Variants in GABBR2 observed in about 807,000 individuals in gnomAD.
GABBR2 encodes the protein gamma-aminobutyric acid type B receptor subunit 2, also known as G-protein coupled receptor 51.
A neutral mutation model predicts 105.6 loss-of-function variants in GABBR2; 23 were observed. The ratio of observed to expected loss-of-function variants is 0.22; its 90% CI spans 0.16 to 0.31. The LOEUF is 0.31. GABBR2 is among the 10% of genes least tolerant of loss of function. The pLI, the probability that GABBR2 is intolerant of heterozygous loss-of-function variation, is 1.00. For missense variants in GABBR2, 734 were observed against 1,245.5 expected (o/e 0.59, Z 6.18); for synonymous variants, 478 against 499.7 (o/e 0.96, Z 0.58).
At chr9:98,353,909 C>T (rs1225591794) in intron 13 of GABBR2, among the ~76,000 whole-genome samples, 1 of 152,218 alleles carries the variant, frequency 6.6e-6, no homozygotes, top group African/African-American at 2.4e-5. Context: ...CTTGCACTCA[C>T]TCCATCTTGC....
chr9:98,358,900 C>T (rs2131438717), intron 13 of GABBR2, among the ~76,000 whole-genome samples: 1 of 152,202 alleles, frequency 6.6e-6, no homozygotes, highest in African/African-American at 2.4e-5. Context: ...GGTTGGGTGG[C>T]AACATGGTTG....
intron 2 of GABBR2, among the ~76,000 whole-genome samples, chr9:98,560,426 T>TACACAC (rs1209503495): frequency 1.6e-5 from 1 of 64,200 alleles, no homozygotes; most frequent in African/African-American, 3.3e-5. Context: ...CATATACACA[T>TACACAC]ACACACACAC....
intron 1 of GABBR2, among the ~76,000 whole-genome samples, chr9:98,605,139 C>T (rs1234991439): frequency 6.6e-6 from 1 of 152,242 alleles, no homozygotes; most frequent in Non-Finnish European, 1.5e-5. Context: ...GAAACCAGGG[C>T]AGCAATGCCC....
intron 1 of GABBR2, among the ~76,000 whole-genome samples, chr9:98,631,598 T>A (rs575921407): frequency 6.6e-6 from 1 of 152,354 alleles, no homozygotes; most frequent in Non-Finnish European, 1.5e-5. Context: ...GATTCATACT[T>A]GAATTTAATA....
At chr9:98,673,249 T>C (rs1316283381) in intron 1 of GABBR2, among the ~76,000 whole-genome samples, 1 of 152,088 alleles carries the variant, frequency 6.6e-6, no homozygotes, top group Non-Finnish European at 1.5e-5. Flanking sequence ...AAAAGGAATA[T>C]AAGGTTTATG....
At chr9:98,553,110 T>C (rs754659260) in intron 2 of GABBR2, among the ~76,000 whole-genome samples, 17 of 151,952 alleles carry the variant, frequency 1.1e-4, no homozygotes, top group South Asian at 8.3e-4. Context: ...TCTGAAACTC[T>C]TGGCCTCAAG....
intron 5 of GABBR2, among the ~76,000 whole-genome samples, chr9:98,479,709 C>G (rs1168091799): frequency 1.3e-5 from 2 of 152,210 alleles, no homozygotes; most frequent in Admixed American, 1.3e-4. Context: ...TAGGTGGGGT[C>G]TCTCCAGCAA....
At chr9:98,562,056 A>G (rs567326446) in intron 2 of GABBR2, among the ~76,000 whole-genome samples, 53 of 152,306 alleles carry the variant, frequency 3.5e-4, no homozygotes, top group African/African-American at 1.3e-3. Flanking sequence ...AGAGGGGGAA[A>G]AATGTATATT....
In GABBR2 at chr9:98,627,776, A is replaced by C. The variant is rs76065408; in HGVS notation, c.322-49704T>G. Reference sequence around the variant, plus strand: ...AGCTCAGTCAATGACAAAAGGCAGAAACCAAATGAGCTGGAAGGGGCCCCA... The same window carrying C: ...AGCTCAGTCAATGACAAAAGGCAGACACCAAATGAGCTGGAAGGGGCCCCA... On this transcript the variant is annotated intron_variant, in intron 1 of 18. Transcript: ENST00000259455. Among the ~76,000 whole-genome samples, 859 of 152,358 alleles carry C rather than the reference A, an allele frequency of 5.6e-3. 21 individuals are homozygous for C. Among genetic ancestry groups the C allele is most frequent in the East Asian group, 0.055 (284 of 5,184 alleles).
chr9:98,333,298 C>A (rs891839162), intron 13 of GABBR2, among the ~76,000 whole-genome samples: 1 of 152,160 alleles, frequency 6.6e-6, no homozygotes, highest in Non-Finnish European at 1.5e-5. Context: ...CTGAAGCCCT[C>A]AGAAATGATA....
chr9:98,486,932 C>G (rs986884244), intron 4 of GABBR2, among the ~76,000 whole-genome samples: 1 of 152,046 alleles, frequency 6.6e-6, no homozygotes. Flanking sequence ...TTAGACCCCA[C>G]CCCCCACTGG....
At chr9:98,535,474 A>C (rs979316468) in intron 3 of GABBR2, among the ~76,000 whole-genome samples, 37 of 152,218 alleles carry the variant, frequency 2.4e-4, no homozygotes, top group Admixed American at 3.3e-4. Flanking sequence ...ACAAAAAAAA[A>C]CCCAATGCAG....
chr9:98,559,256 A>C (rs1229559995), intron 2 of GABBR2, among the ~76,000 whole-genome samples: 2 of 152,106 alleles, frequency 1.3e-5, no homozygotes, highest in Middle Eastern at 3.2e-3. Context: ...CAGCCTCCCC[A>C]GTAACTTGGA....
chr9:98,577,357 T>C (rs1828934329), intron 2 of GABBR2, among the ~76,000 whole-genome samples: 1 of 152,198 alleles, frequency 6.6e-6, no homozygotes, highest in Admixed American at 6.5e-5. Context: ...GTATATATGT[T>C]GGTGGAGCAT....
intron 12 of GABBR2, among the ~76,000 whole-genome samples, chr9:98,365,928 C>A (rs1262514192): frequency 6.6e-6 from 1 of 152,216 alleles, no homozygotes; most frequent in Non-Finnish European, 1.5e-5. Flanking sequence ...TTAAATGCTG[C>A]CTGAACTTCT....
chr9:98,333,343 A>C (rs878912083), intron 13 of GABBR2, among the ~76,000 whole-genome samples: 2 of 152,162 alleles, frequency 1.3e-5, no homozygotes, highest in African/African-American at 4.8e-5. Flanking sequence ...AAACTACCAT[A>C]AATTGGGCGG....
intron 7 of GABBR2, among the ~76,000 whole-genome samples, chr9:98,412,143 C>A (rs1490835980): frequency 6.6e-6 from 1 of 152,252 alleles, no homozygotes; most frequent in Non-Finnish European, 1.5e-5. Flanking sequence ...GATACTCTCC[C>A]TGAGAACAAG....
At chr9:98,355,568 T>TA (rs898199841) in intron 13 of GABBR2, among the ~76,000 whole-genome samples, 8 of 151,684 alleles carry the variant, frequency 5.3e-5, no homozygotes, top group Non-Finnish European at 8.8e-5. Flanking sequence ...TGAAAGAAAA[T>TA]AAAAAAAGAT....
rs1050219763 is a variant in GABBR2, at chr9:98,493,876, C to G, written c.732+2537G>C. On this transcript the variant is annotated intron_variant, in intron 4 of 18. Coordinates refer to ENST00000259455, the MANE Select transcript of GABBR2 (RefSeq NM_005458.8). ...GAAACAGAAGAGTGACCAAGACAGA[C>G]AGAAATTTCTGCTTCCTGGAGCTTA... Among the ~76,000 whole-genome samples the G allele has an allele frequency of 2.0e-5, 3 of 152,168 alleles. No individual in the cohort carries two copies. The East Asian group carries it at 5.8e-4, about 29-fold the overall frequency.
Sources: allele counts gnomAD v4.1 joint callset (sites outside exome capture counted in the v4.1 genomes callset), GRCh38; gene constraint gnomAD v4.1.1; transcripts MANE v1.5; gene names NCBI Gene and HGNC (gene_info 2026-07-23, HGNC 2026-07-21).